The following SIPA1L2 variants were observed in gnomAD, a reference collection of about 807,000 sequenced individuals.
The protein encoded by SIPA1L2 is signal induced proliferation associated 1 like 2, also known as signal-induced proliferation-associated 1-like protein 2.
In SIPA1L2, 56 loss-of-function variants were observed where a neutral mutation model predicts 163.9. That is an observed-to-expected ratio of 0.34 (90% confidence interval 0.28 to 0.43). The LOEUF (loss-of-function observed/expected upper bound fraction) is 0.43, where lower values mean the gene tolerates loss of function less well. SIPA1L2 is among the 20% of genes least tolerant of loss of function. SIPA1L2 has a pLI of 1.00. For synonymous variants in SIPA1L2, 877 were observed against 865.7 expected, an observed-to-expected ratio of 1.01 and a Z score of -0.23; for missense variants, 1,974 against 2,193.5, an observed-to-expected ratio of 0.90 and a Z score of 2.00.
At chr1:232,408,122 T>C (rs1482372051) in intron 19 of SIPA1L2, among the ~76,000 whole-genome samples, 1 of 152,186 alleles carries the variant, frequency 6.6e-6, no homozygotes. Context: ...TTAGGAATTC[T>C]GACATGTAAG....
chr1:232,589,862 T>A (rs1020252982), intron 1 of SIPA1L2, among the ~76,000 whole-genome samples: 1 of 152,110 alleles, frequency 6.6e-6, no homozygotes, highest in Non-Finnish European at 1.5e-5. Flanking sequence ...GAAAAAAGAA[T>A]CTCCTTATCT....
At chr1:232,531,620 A>C (rs1021825951) in intron 2 of SIPA1L2, among the ~76,000 whole-genome samples, 1 of 152,236 alleles carries the variant, frequency 6.6e-6, no homozygotes, top group Non-Finnish European at 1.5e-5. Context: ...TGGCAGAAGA[A>C]GTCATGTAAT....
At chr1:232,628,776 C>CT (rs1294402547) in intron 1 of SIPA1L2, among the ~76,000 whole-genome samples, 2 of 152,150 alleles carry the variant, frequency 1.3e-5, no homozygotes, top group Non-Finnish European at 2.9e-5. Flanking sequence ...TACTAAATGT[C>CT]TGTCATAAGA....
intron 17 of SIPA1L2, among the ~76,000 whole-genome samples, chr1:232,427,916 CT>C (rs1661996520): frequency 6.6e-6 from 1 of 152,226 alleles, no homozygotes; most frequent in South Asian, 2.1e-4. Flanking sequence ...GGAGAGACAG[CT>C]TGGAGCAGAG....
At chr1:232,625,535 C>T (rs1240571228) in intron 1 of SIPA1L2, among the ~76,000 whole-genome samples, 1 of 151,994 alleles carries the variant, frequency 6.6e-6, no homozygotes. Context: ...CAGGTTTTAG[C>T]GAAAAGGAAA....
intron 3 of SIPA1L2, among the ~76,000 whole-genome samples, chr1:232,509,395 C>T (rs1056231211): frequency 6.6e-6 from 1 of 152,044 alleles, no homozygotes; most frequent in Non-Finnish European, 1.5e-5. Context: ...CCCTGAAGCA[C>T]AGAACAAAAT....
chr1:232,456,474 T>C (rs1263075091), intron 10 of SIPA1L2, among the ~76,000 whole-genome samples: 1 of 152,204 alleles, frequency 6.6e-6, no homozygotes, highest in Non-Finnish European at 1.5e-5. Flanking sequence ...CCTTGGATAG[T>C]ATGTCAACAA....
chr1:232,497,067 T>C (rs1407888169), intron 3 of SIPA1L2, among the ~76,000 whole-genome samples: 1 of 152,128 alleles, frequency 6.6e-6, no homozygotes, highest in Non-Finnish European at 1.5e-5. Context: ...CTAATTCTAA[T>C]ACATGACAAC....
At chr1:232,501,322 G>A (rs868072579) in intron 3 of SIPA1L2, among the ~76,000 whole-genome samples, 4 of 151,996 alleles carry the variant, frequency 2.6e-5, no homozygotes, top group Non-Finnish European at 5.9e-5. Flanking sequence ...TATATGCACC[G>A]TGAAACCAAA....
chr1:232,579,957 G>T, intron 1 of SIPA1L2, among the ~76,000 whole-genome samples: 1 of 152,184 alleles, frequency 6.6e-6, no homozygotes, highest in East Asian at 1.9e-4. Context: ...ACACAAGAAA[G>T]AATTTGAGGT....
At chr1:232,505,920 G>A (rs970874550) in intron 3 of SIPA1L2, among the ~76,000 whole-genome samples, 1 of 152,180 alleles carries the variant, frequency 6.6e-6, no homozygotes, top group South Asian at 2.1e-4. Flanking sequence ...ATTAATTTTC[G>A]TCAATGACTG....
chr1:232,403,614 C>T (rs1660476150), intron 20 of SIPA1L2, 43 bp from the exon 21 acceptor site: 1 of 1,549,580 alleles, frequency 6.5e-7, no homozygotes, highest in African/African-American at 1.4e-5. Flanking sequence ...GGTTAGTAAT[C>T]AATGCAAGGC....
At chr1:232,566,700 G>A (rs1659425766) in intron 2 of SIPA1L2, among the ~76,000 whole-genome samples, 1 of 152,198 alleles carries the variant, frequency 6.6e-6, no homozygotes, top group Non-Finnish European at 1.5e-5. Flanking sequence ...TTAAGTTGAA[G>A]ATTCGGCAAA....
At chr1:232,550,700 A>T (rs1658327324) in intron 2 of SIPA1L2, among the ~76,000 whole-genome samples, 1 of 152,244 alleles carries the variant, frequency 6.6e-6, no homozygotes, top group South Asian at 2.1e-4. Flanking sequence ...AACAGAACCA[A>T]GGCTGGCAAC....
At chr1:232,491,889 C>G (rs59324212) in intron 4 of SIPA1L2, among the ~76,000 whole-genome samples, 1,604 of 152,290 alleles carry the variant, frequency 0.011, 32 homozygotes, top group African/African-American at 0.037. Context: ...TCTATCTATA[C>G]TAATACAGGA....
In SIPA1L2 at chr1:232,439,235, C is replaced by G. The variant is rs541734431; in HGVS notation, c.3904G>C (p.Asp1302His). ...GGCTCGTCGTCAGGCCCAGAGACGTCGGCAGCATCAGCCCACTGCTCGGCC... is the reference window on the plus strand; with the variant it reads ...GGCTCGTCGTCAGGCCCAGAGACGTGGGCAGCATCAGCCCACTGCTCGGCC... ...SRAEQWADAA[D>H]VSGPDDEPAK... The change falls in exon 15 of 23, where the codon GAC becomes CAC. Residue 1302 changes from aspartate to histidine, a missense_variant. Around this residue, in one of 3 missense-constraint regions of SIPA1L2, gnomAD observed 1,079 missense variants for 1,150.7 expected, o/e 0.94. Transcript: ENST00000674635. The G allele has an allele frequency of 5.6e-6, 9 of 1,613,948 alleles. No individual in the cohort carries two copies. The African/African-American group carries it at 1.1e-4, about 19-fold the overall frequency.
chr1:232,445,387 G>A, intron 11 of SIPA1L2, 142 bp downstream of exon 11: 2 of 1,214,324 alleles, frequency 1.6e-6, no homozygotes, highest in Non-Finnish European at 2.3e-6. Flanking sequence ...ACTGTGTCTG[G>A]GGCCTGCCTT....
intron 5 of SIPA1L2, among the ~76,000 whole-genome samples, chr1:232,484,458 A>G (rs1665544135): frequency 6.6e-6 from 1 of 152,178 alleles, no homozygotes; most frequent in South Asian, 2.1e-4. Flanking sequence ...AAACAAATCA[A>G]ATTAAGGTCT....
chr1:232,561,075 G>A (rs1038129681), intron 2 of SIPA1L2, among the ~76,000 whole-genome samples: 2 of 152,130 alleles, frequency 1.3e-5, no homozygotes, highest in African/African-American at 4.8e-5. Context: ...ATTTGGTTTA[G>A]ACATTCCCAC....
Sources: allele counts gnomAD v4.1 joint callset (sites outside exome capture counted in the v4.1 genomes callset), GRCh38; gene constraint gnomAD v4.1.1; regional missense constraint gnomAD v4.1.1; transcripts MANE v1.5; gene names NCBI Gene and HGNC (gene_info 2026-07-23, HGNC 2026-07-21).